The following KDM1B variants were observed in gnomAD, a reference collection of about 807,000 sequenced individuals.
KDM1B encodes the protein lysine-specific histone demethylase 2.
In KDM1B, 63 loss-of-function variants were observed where a neutral mutation model predicts 107.4. The observed-to-expected ratio is 0.59, with a 90% confidence interval of 0.48 to 0.72. The LOEUF (loss-of-function observed/expected upper bound fraction) is 0.72, where lower values mean the gene tolerates loss of function less well. KDM1B is among the 30% of genes least tolerant of loss of function. The pLI is 0.00. For missense variants in KDM1B, 749 were observed against 1,020.8 expected (o/e 0.73, Z 3.63); for synonymous variants, 363 against 363.9 (o/e 1.00, Z 0.03).
intron 9 of KDM1B, 126 bp downstream of exon 9, chr6:18,188,128 T>A: frequency 1.2e-6 from 1 of 846,904 alleles, no homozygotes; most frequent in Non-Finnish European, 1.9e-6. Context: ...CTCATGCCTG[T>A]AATCCCAGCA....
At chr6:18,173,780 G>GTTTTA (rs1188404355) in intron 7 of KDM1B, among the ~76,000 whole-genome samples, 32 of 149,736 alleles carry the variant, frequency 2.1e-4, no homozygotes, top group Non-Finnish European at 3.9e-4. Context: ...TAGCACCATT[G>GTTTTA]CTTTATTTTA....
intron 7 of KDM1B, among the ~76,000 whole-genome samples, chr6:18,174,672 T>G (rs1785878288): frequency 6.6e-6 from 1 of 151,824 alleles, no homozygotes; most frequent in African/African-American, 2.4e-5. Flanking sequence ...CTTTGTGTCC[T>G]CATAGCTTAG....
chr6:18,207,635 C>T (rs1027270140), intron 16 of KDM1B, 106 bp downstream of exon 16: 1 of 1,379,114 alleles, frequency 7.3e-7, no homozygotes, highest in East Asian at 2.3e-5. Context: ...TGGTGTTTAG[C>T]CAGGGTCTAG....
In KDM1B at chr6:18,168,289, A is replaced by G. The variant is rs371004629; in HGVS notation, c.417+1911A>G. On this transcript the variant is annotated intron_variant, in intron 6 of 21. Transcript: ENST00000650836. ...ATTCTTGCTACCCCCAGTTCCTGGT[A>G]ACCGCTAATCTGCTTTCTGTGTTTA... is the stretch of plus-strand genomic sequence containing the variant. Among the ~76,000 whole-genome samples, 5 of 152,334 alleles carry G rather than the reference A, an allele frequency of 3.3e-5. No individual in the cohort carries two copies. The East Asian group carries it at 7.7e-4, about 24-fold the overall frequency.
chr6:18,166,853 CAA>C (rs770821976), intron 6 of KDM1B, among the ~76,000 whole-genome samples: 3 of 128,408 alleles, frequency 2.3e-5, no homozygotes. Context: ...GAGGCTGTCT[CAA>C]AAAAAAAAAA....
intron 7 of KDM1B, among the ~76,000 whole-genome samples, chr6:18,178,927 G>A (rs1786237555): frequency 6.6e-6 from 1 of 152,146 alleles, no homozygotes; most frequent in African/African-American, 2.4e-5. Flanking sequence ...TTACTACATT[G>A]GTCAGGACCA....
chr6:18,165,643 C>G (rs183084941), intron 5 of KDM1B, among the ~76,000 whole-genome samples: 64 of 152,032 alleles, frequency 4.2e-4, no homozygotes, highest in Admixed American at 3.1e-3. Context: ...GCCAACATGA[C>G]GAAACCCCAT....
At chr6:18,184,845 C>T (rs1237477627) in intron 7 of KDM1B, among the ~76,000 whole-genome samples, 1 of 141,340 alleles carries the variant, frequency 7.1e-6, no homozygotes, top group Non-Finnish European at 1.5e-5. Flanking sequence ...AATCAGTCCT[C>T]CCACTTCAGC....
At chr6:18,188,124 C>A in intron 9 of KDM1B, 122 bp downstream of exon 9, 2 of 873,532 alleles carry the variant, frequency 2.3e-6, no homozygotes, top group Non-Finnish European at 3.6e-6. Flanking sequence ...GTGGCTCATG[C>A]CTGTAATCCC....
Position 18,197,860 on chromosome 6 carries a change from G to A in KDM1B, c.1221+199G>A, listed in dbSNP as rs1358611328. On this transcript the variant is annotated intron_variant, in intron 12 of 21. Coordinates refer to ENST00000650836, the MANE Select transcript of KDM1B (RefSeq NM_001364614.2). This position sits in a 1 kb window ranked among gnomAD's most constrained non-coding sequence, Gnocchi z 4.5. ...GTAAATAGAAATTCTCACAGCTTTG[G>A]AGATAATTTTAGACTCTAATGAGCA... is the stretch of plus-strand genomic sequence containing the variant. Among the ~76,000 whole-genome samples the A allele has an allele frequency of 6.6e-6, 1 of 151,720 alleles. No individual in the cohort carries two copies. The highest frequency in any genetic ancestry group is 2.4e-5 in the African/African-American group (1 of 41,278).
chr6:18,165,619 T>C (rs1403254585), intron 5 of KDM1B, among the ~76,000 whole-genome samples: 1 of 152,070 alleles, frequency 6.6e-6, no homozygotes, highest in Non-Finnish European at 1.5e-5. Context: ...GGTTAGGAGT[T>C]CGGGACCAGC....
chr6:18,212,496 CA>C lies in KDM1B; in HGVS notation c.1876del (p.Thr626LeufsTer23). ...TGYSAQKVLV[T>X]VPLALLQKGA... ...TTAATTATTTTCCACAGGTATTAGT[CA>C]CTGTACCACTGGCTTTACTACAGAA... On this transcript the variant is annotated frameshift_variant, in exon 18 of 22. Transcript: ENST00000650836. LOFTEE classifies it high-confidence loss of function. The surrounding 1 kb of genome is among the most constrained non-coding windows in gnomAD (Gnocchi z 5.2). 1 of 1,603,112 alleles carries C rather than the reference CA, an allele frequency of 6.2e-7. No individual in the cohort carries two copies. The highest frequency in any genetic ancestry group is 2.2e-5 in the East Asian group (1 of 44,830).
rs1380499086 is a variant in KDM1B at position 18,186,291 on chromosome 6, G to A, written c.573+481G>A. On this transcript the variant is annotated intron_variant, in intron 8 of 21. Transcript: ENST00000650836. The surrounding 1 kb of genome is among the most constrained non-coding windows in gnomAD (Gnocchi z 5.6). ...GCAGGGGGAGCAGTACTTCCAGCTG[G>A]CAAAGCTGGTCACATTTCCTCTGTT... Among the ~76,000 whole-genome samples, 2 of 152,178 alleles carry A rather than the reference G, an allele frequency of 1.3e-5. No individual in the cohort carries two copies. The highest frequency in any genetic ancestry group is 2.9e-5 in the Non-Finnish European group (2 of 68,024).
At chr6:18,161,581 A>G (rs896133683) in intron 4 of KDM1B, 127 bp downstream of exon 4, 9 of 1,005,620 alleles carry the variant, frequency 8.9e-6, no homozygotes, top group Non-Finnish European at 1.3e-5. Context: ...ATCTAATAAT[A>G]GAGACATTGC....
At chr6:18,208,726 G>C (rs1384630150) in intron 17 of KDM1B, among the ~76,000 whole-genome samples, 4 of 128,710 alleles carry the variant, frequency 3.1e-5, no homozygotes, top group Non-Finnish European at 3.1e-5. Context: ...CTCACTGCAA[G>C]CTCCGCCTCC....
At chr6:18,195,848 ACT>A (rs1344928170) in intron 10 of KDM1B, among the ~76,000 whole-genome samples, 1 of 151,720 alleles carries the variant, frequency 6.6e-6, no homozygotes, top group Non-Finnish European at 1.5e-5. Context: ...ATAACTTAAA[ACT>A]CTCTCCATGA....
At position 18,158,035 on chromosome 6, in the gene KDM1B, G is replaced by T. The variant is rs555176200; in HGVS notation, c.-13-1848G>T. Among the ~76,000 whole-genome samples, 6 of 152,030 alleles carry T rather than the reference G, an allele frequency of 3.9e-5. No individual in the cohort carries two copies. In the South Asian group the frequency reaches 1.2e-3, roughly 32 times the overall value. Reference sequence around the variant, plus strand: ...TCACCGTGTTAGCCAGGATGGTCTCGATCTCCTGATGTCGTGATCCGCCCA... The same window carrying T: ...TCACCGTGTTAGCCAGGATGGTCTCTATCTCCTGATGTCGTGATCCGCCCA... On this transcript the variant is annotated intron_variant, in intron 2 of 21. Transcript: ENST00000650836.
intron 12 of KDM1B, among the ~76,000 whole-genome samples, chr6:18,198,737 A>G (rs138990836): frequency 6.6e-6 from 1 of 151,610 alleles, no homozygotes; most frequent in Non-Finnish European, 1.5e-5. Flanking sequence ...TGTTTATTTC[A>G]GTATTAGATA....
In KDM1B at chr6:18,197,620, G is replaced by A. The variant is rs1787732913; in HGVS notation, c.1180G>A (p.Gly394Arg). The change falls in exon 12 of 22, where the codon GGA (glycine) becomes AGA (arginine). Residue 394 changes from glycine to arginine, a missense_variant. Gly to Arg is a moderately radical substitution (Grantham distance 125). Coordinates refer to ENST00000650836, the MANE Select transcript of KDM1B (RefSeq NM_001364614.2). The surrounding 1 kb of genome is among the most constrained non-coding windows in gnomAD (Gnocchi z 4.5). The stretch of plus-strand genomic sequence containing the variant: ...CATCATTATCGGGGCTGGTCCAGCA[G>A]GATTAGCAGCTGCTAGGCAACTGCA... ...SVIIIGAGPA[G>R]LAAARQLHNF... 1.2e-6 allele frequency: 2 copies of A among 1,613,984 alleles called. No individual in the cohort carries two copies. The highest frequency in any genetic ancestry group is 1.3e-5 in the African/African-American group (1 of 74,928).
Sources: allele counts gnomAD v4.1 joint callset (sites outside exome capture counted in the v4.1 genomes callset), GRCh38; gene constraint gnomAD v4.1.1; non-coding constraint Gnocchi (gnomAD v3.1); transcripts MANE v1.5; gene names NCBI Gene and HGNC (gene_info 2026-07-23, HGNC 2026-07-21).